Variants in ADAMTSL3 observed in about 807,000 individuals in gnomAD.
ADAMTSL3 encodes the protein ADAMTS-like protein 3.
Under a neutral mutation model 201.7 loss-of-function variants are expected in ADAMTSL3, and 128 were observed. The observed-to-expected ratio is 0.63, with a 90% CI of 0.55 to 0.73. The LOEUF is 0.73. Ranked by LOEUF, ADAMTSL3 falls within the 30% of genes least tolerant of loss-of-function variation. The pLI, the probability that ADAMTSL3 is intolerant of heterozygous loss-of-function variation, is 0.00. For missense variants in ADAMTSL3, 1,990 were observed against 2,119.6 expected (o/e 0.94, Z 1.20); for synonymous variants, 738 against 748.4 (o/e 0.99, Z 0.23).
chr15:83,957,011 T>C (rs953996009), intron 19 of ADAMTSL3, among the ~76,000 whole-genome samples: 1 of 152,086 alleles, frequency 6.6e-6, no homozygotes, highest in Non-Finnish European at 1.5e-5. Flanking sequence ...TTTACAACCA[T>C]GTAAAAAATG....
At chr15:83,885,751 G>C (rs1177523627) in intron 10 of ADAMTSL3, among the ~76,000 whole-genome samples, 1 of 150,604 alleles carries the variant, frequency 6.6e-6, no homozygotes. Context: ...TTTTTTTTGA[G>C]TCTCGCTCTG....
intron 5 of ADAMTSL3, among the ~76,000 whole-genome samples, chr15:83,812,805 C>A (rs147417822): frequency 1.3e-3 from 202 of 152,276 alleles, no homozygotes; most frequent in African/African-American, 4.5e-3. Context: ...TTAAGTACTT[C>A]CTGAATGCTA....
chr15:84,031,398 A>G lies in ADAMTSL3; in HGVS notation c.4720A>G (p.Asn1574Asp), dbSNP rs1567314338. 6.2e-7 allele frequency: 1 copy of G among 1,614,072 alleles called. No homozygotes were observed. Among genetic ancestry groups the G allele is most frequent in the Non-Finnish European group, 8.5e-7 (1 of 1,180,010 alleles). The part of the protein sequence containing the change: ...MQQRHTACQH[N>D]SSDSNCDDRK... ...GCAGCGTCACACAGCTTGTCAACAC[A>G]ACAGCTCTGACTCCAACTGTGATGA... Residue 1574 changes from asparagine (N) to aspartate (D), a missense_variant, in exon 28 of 30, where the codon AAC (asparagine) becomes GAC (aspartate). Transcript: ENST00000286744.
intron 4 of ADAMTSL3, among the ~76,000 whole-genome samples, chr15:83,786,493 A>G (rs1034961101): frequency 3.3e-5 from 5 of 152,184 alleles, no homozygotes; most frequent in Non-Finnish European, 5.9e-5. Context: ...AAAATGTACA[A>G]TAAATGGTTG....
chr15:84,017,187 A>T (rs1034730291), intron 25 of ADAMTSL3, among the ~76,000 whole-genome samples: 10 of 152,088 alleles, frequency 6.6e-5, no homozygotes, highest in Admixed American at 6.6e-4. Flanking sequence ...GCGTGATCTC[A>T]GCTCACTGCA....
chr15:83,732,544 A>G (rs985204687), intron 3 of ADAMTSL3, among the ~76,000 whole-genome samples: 3 of 152,146 alleles, frequency 2.0e-5, no homozygotes, highest in Non-Finnish European at 2.9e-5. Context: ...ATGATGGGCA[A>G]TAATATATAC....
chr15:83,963,082 A>C (rs1246478947), intron 19 of ADAMTSL3, among the ~76,000 whole-genome samples: 1 of 152,128 alleles, frequency 6.6e-6, no homozygotes, highest in African/African-American at 2.4e-5. Flanking sequence ...CAAGCACGAA[A>C]CTGGACAGCC....
chr15:83,988,743 GAAC>G lies in ADAMTSL3; in HGVS notation c.3772_3774del (p.Gln1258del), dbSNP rs574663428. ...ACAGATACAGAATCCTACAAGGAAA[GAAC>G]AAGGCATATATGAATGTTCTGTAGC... On this transcript the variant is annotated inframe_deletion, in exon 22 of 30. Coordinates refer to ENST00000286744, the MANE Select transcript of ADAMTSL3 (RefSeq NM_207517.3). 6.9e-4 allele frequency: 1,110 copies of G among 1,610,034 alleles called. 15 individuals are homozygous for G. The South Asian group carries it at 0.011, about 16-fold the overall frequency.
intron 5 of ADAMTSL3, among the ~76,000 whole-genome samples, chr15:83,805,282 G>A (rs2063583869): frequency 6.6e-6 from 1 of 152,256 alleles, no homozygotes; most frequent in South Asian, 2.1e-4. Context: ...ATAAGGCCAG[G>A]CGCATTGGCT....
At chr15:83,740,066 G>T (rs2062430218) in intron 3 of ADAMTSL3, 2 of 324,360 alleles carry the variant, frequency 6.2e-6, no homozygotes, top group Admixed American at 3.1e-5. Flanking sequence ...TGCATCACAG[G>T]TAAGGAATAC....
chr15:83,814,649 T>C (rs928445779), intron 5 of ADAMTSL3, among the ~76,000 whole-genome samples: 4 of 152,246 alleles, frequency 2.6e-5, no homozygotes, highest in African/African-American at 9.6e-5. Flanking sequence ...AGAAATGTTG[T>C]CATTTGTTAT....
chr15:83,723,954 G>T (rs1596091716), intron 3 of ADAMTSL3, among the ~76,000 whole-genome samples: 1 of 152,032 alleles, frequency 6.6e-6, no homozygotes, highest in South Asian at 2.1e-4. Flanking sequence ...TTGAAGGTTG[G>T]TGGCAATTTT....
At chr15:83,809,585 C>T (rs1299632721) in intron 5 of ADAMTSL3, among the ~76,000 whole-genome samples, 1 of 152,220 alleles carries the variant, frequency 6.6e-6, no homozygotes, top group Non-Finnish European at 1.5e-5. Context: ...TTAAATAGAT[C>T]TGCCTTTCCA....
intron 5 of ADAMTSL3, among the ~76,000 whole-genome samples, chr15:83,811,254 A>G (rs923749179): frequency 1.3e-5 from 2 of 152,204 alleles, no homozygotes; most frequent in Non-Finnish European, 2.9e-5. Context: ...GCCCAACACA[A>G]TGGGATAGCT....
intron 6 of ADAMTSL3, among the ~76,000 whole-genome samples, chr15:83,832,412 A>G (rs926181717): frequency 8.5e-5 from 13 of 152,186 alleles, no homozygotes; most frequent in African/African-American, 3.1e-4. Flanking sequence ...TTGTGATGCT[A>G]CTGAGTAAGC....
intron 13 of ADAMTSL3, among the ~76,000 whole-genome samples, chr15:83,897,423 G>A (rs1320062301): frequency 6.6e-6 from 1 of 151,908 alleles, no homozygotes; most frequent in Non-Finnish European, 1.5e-5. Flanking sequence ...AGACAGAATA[G>A]AAAAATAATC....
intron 2 of ADAMTSL3, among the ~76,000 whole-genome samples, chr15:83,676,917 A>T (rs947428273): frequency 6.6e-6 from 1 of 151,922 alleles, no homozygotes; most frequent in South Asian, 2.1e-4. Context: ...TGGACCTCCC[A>T]CTCTCCAGAA....
At chr15:83,923,879 A>G (rs2066195026) in intron 16 of ADAMTSL3, 25 bp from the exon 17 acceptor site, 4 of 1,612,258 alleles carry the variant, frequency 2.5e-6, no homozygotes, top group African/African-American at 1.3e-5. Context: ...TGTCATTTGC[A>G]TTTTTTCCTC....
chr15:83,829,239 C>G (rs1187826112), intron 6 of ADAMTSL3, among the ~76,000 whole-genome samples: 1 of 152,096 alleles, frequency 6.6e-6, no homozygotes, highest in Non-Finnish European at 1.5e-5. Context: ...TCAACTTCTT[C>G]CTGGTTTAGT....
Sources: allele counts gnomAD v4.1 joint callset (sites outside exome capture counted in the v4.1 genomes callset), GRCh38; gene constraint gnomAD v4.1.1; transcripts MANE v1.5; gene names NCBI Gene and HGNC (gene_info 2026-07-23, HGNC 2026-07-21).